Variants in WDPCP observed in about 807,000 individuals in gnomAD.
WDPCP encodes the protein WD repeat-containing and planar cell polarity effector protein fritz homolog.
WDPCP carries 71 observed loss-of-function variants against 93.1 expected under a neutral mutation model. That is an observed-to-expected ratio of 0.76 (90% CI 0.63 to 0.93). The LOEUF is 0.93. Among genes scored for constraint, WDPCP ranks in the 40% least tolerant of loss-of-function variants. WDPCP has a pLI of 0.00. For synonymous variants in WDPCP, 315 were observed against 315.0 expected (o/e 1.00, Z 0.00); for missense variants, 844 against 887.4 (o/e 0.95, Z 0.62).
intron 1 of WDPCP, among the ~76,000 whole-genome samples, chr2:63,545,207 C>T (rs2106325989): frequency 6.6e-6 from 1 of 152,120 alleles, no homozygotes; most frequent in Non-Finnish European, 1.5e-5. Context: ...AACTTGCCAA[C>T]CTCCAGTGTT....
intron 2 of WDPCP, among the ~76,000 whole-genome samples, chr2:63,809,155 C>G (rs573695514): frequency 6.6e-6 from 1 of 151,534 alleles, no homozygotes; most frequent in African/African-American, 2.4e-5. Flanking sequence ...GCAGCCACCC[C>G]GTCTGGGAAG....
At chr2:63,523,904 T>C (rs972242593) in intron 1 of WDPCP, among the ~76,000 whole-genome samples, 3 of 151,944 alleles carry the variant, frequency 2.0e-5, no homozygotes, top group African/African-American at 7.3e-5. Context: ...AGAGTGAAAC[T>C]CTGTCTCAAA....
intron 1 of WDPCP, among the ~76,000 whole-genome samples, chr2:63,555,440 C>T (rs1265259914): frequency 6.6e-6 from 1 of 152,240 alleles, no homozygotes; most frequent in South Asian, 2.1e-4. Flanking sequence ...CCAGGCGGTC[C>T]AGGCCAGTGG....
chr2:63,432,310 C>T (rs894560463), intron 9 of WDPCP, among the ~76,000 whole-genome samples: 7 of 152,160 alleles, frequency 4.6e-5, no homozygotes, highest in African/African-American at 1.2e-4. Context: ...TAAGTAGAAT[C>T]GATCACCACT....
chr2:63,538,919 A>G (rs1445033689), intron 1 of WDPCP, among the ~76,000 whole-genome samples: 10 of 152,158 alleles, frequency 6.6e-5, no homozygotes. Context: ...GTGACTTGCA[A>G]AATAACTGTG....
chr2:63,415,335 G>T (rs766432229), intron 9 of WDPCP, among the ~76,000 whole-genome samples: 6 of 152,064 alleles, frequency 3.9e-5, no homozygotes, highest in Non-Finnish European at 8.8e-5. Flanking sequence ...TGCATTCCAG[G>T]CTGGGTGACA....
chr2:63,825,343 T>C (rs142119026), intron 1 of WDPCP, among the ~76,000 whole-genome samples: 3 of 152,282 alleles, frequency 2.0e-5, no homozygotes, highest in African/African-American at 4.8e-5. Context: ...TACGGTGATA[T>C]CTTGCTGAGT....
At chr2:63,740,502 G>A (rs1026586915) in intron 2 of WDPCP, among the ~76,000 whole-genome samples, 2 of 151,990 alleles carry the variant, frequency 1.3e-5, no homozygotes, top group African/African-American at 2.4e-5. Flanking sequence ...ATTGGGCTTC[G>A]CAACCAATTT....
chr2:63,289,268 C>A lies in WDPCP; in HGVS notation c.1812+23980G>T, dbSNP rs906453459. 2.6e-5 allele frequency among the ~76,000 whole-genome samples: 4 copies of A among 151,934 alleles called. No homozygotes were observed. In the East Asian group the frequency reaches 7.7e-4, roughly 29 times the overall value. ...TTTGCCAAATTGTCATTTTCTAATTCTATCTTTACTTTTATATTTATTAGT... is the reference window on the plus strand; with the variant it reads ...TTTGCCAAATTGTCATTTTCTAATTATATCTTTACTTTTATATTTATTAGT... On this transcript the variant is annotated intron_variant, in intron 13 of 17. Transcript: ENST00000272321.
rs376179917 is a variant in WDPCP at position 63,550,937 on chromosome 2, G to A, written c.75+37260C>T. 1.5e-4 allele frequency among the ~76,000 whole-genome samples: 23 copies of A among 152,120 alleles called. 2 individuals are homozygous for A. In the South Asian group the frequency reaches 4.8e-3, roughly 32 times the overall value. On this transcript the variant is annotated intron_variant, in intron 1 of 17. Coordinates refer to ENST00000272321, the MANE Select transcript of WDPCP (RefSeq NM_015910.7). ...ACCAGGCAAACCTGTCTATTTTCCT[G>A]TGATTCCAGTTTTAGTAAACAATAC...
At chr2:63,235,830 T>C (rs755364235) in intron 14 of WDPCP, among the ~76,000 whole-genome samples, 2 of 151,938 alleles carry the variant, frequency 1.3e-5, no homozygotes, top group African/African-American at 2.4e-5. Flanking sequence ...AAACTAGGCA[T>C]AGAAAGAACA....
chr2:63,656,591 G>C (rs948256452), intron 2 of WDPCP, among the ~76,000 whole-genome samples: 2 of 152,224 alleles, frequency 1.3e-5, no homozygotes, highest in African/African-American at 4.8e-5. Context: ...GTATAGAATG[G>C]AGACTGAGAA....
intron 3 of WDPCP, among the ~76,000 whole-genome samples, chr2:63,612,574 A>G (rs1709625009): frequency 6.6e-6 from 1 of 152,224 alleles, no homozygotes; most frequent in Non-Finnish European, 1.5e-5. Flanking sequence ...ACATGGACAT[A>G]TGAAAACAAA....
intron 14 of WDPCP, chr2:63,228,707 T>G (rs1365910913): frequency 6.6e-6 from 1 of 152,120 alleles, no homozygotes; most frequent in African/African-American, 2.4e-5. Context: ...CTTGCGGTAG[T>G]TTGCTGAGAA....
chr2:63,507,721 A>C (rs1486478169), intron 1 of WDPCP, among the ~76,000 whole-genome samples: 5 of 152,168 alleles, frequency 3.3e-5, no homozygotes, highest in African/African-American at 7.2e-5. Context: ...TAGAATAACC[A>C]GTTTAGAGAA....
intron 17 of WDPCP, among the ~76,000 whole-genome samples, chr2:63,137,277 TG>T (rs1670690079): frequency 1.3e-5 from 2 of 152,182 alleles, no homozygotes; most frequent in South Asian, 4.1e-4. Flanking sequence ...TAGTGTGAGG[TG>T]GTATCTCATT....
At chr2:63,695,096 T>C (rs1668946004) in intron 2 of WDPCP, among the ~76,000 whole-genome samples, 1 of 152,200 alleles carries the variant, frequency 6.6e-6, no homozygotes, top group Non-Finnish European at 1.5e-5. Context: ...TTATCTTATT[T>C]CTCTTACTTG....
At chr2:63,660,460 T>C (rs1710214262) in intron 2 of WDPCP, among the ~76,000 whole-genome samples, 1 of 152,168 alleles carries the variant, frequency 6.6e-6, no homozygotes, top group Non-Finnish European at 1.5e-5. Context: ...AGAACATGGA[T>C]GTAAGAAAGG....
chr2:63,647,661 G>A (rs1315735312), intron 3 of WDPCP, among the ~76,000 whole-genome samples: 1 of 152,084 alleles, frequency 6.6e-6, no homozygotes, highest in Non-Finnish European at 1.5e-5. Context: ...ACAACTTCAG[G>A]TGATGGAAAC....
Sources: gnomAD v4.1 joint callset for allele counts (sites outside exome capture counted in the v4.1 genomes callset) on GRCh38, gnomAD v4.1.1 for gene constraint, MANE v1.5 for transcripts, NCBI Gene and HGNC (gene_info 2026-07-23, HGNC 2026-07-21) for gene names.